PPP1R3B: variants seen among roughly 807,000 people sequenced by gnomAD.
PPP1R3B encodes protein phosphatase 1 regulatory subunit 3B.
A neutral mutation model predicts 14.6 loss-of-function variants in PPP1R3B; 8 were observed. That is an observed-to-expected ratio of 0.55 (90% CI 0.32 to 0.99). PPP1R3B has a LOEUF of 0.99. PPP1R3B is among the 50% of genes least tolerant of loss of function. PPP1R3B has a pLI of 0.04. For synonymous variants in PPP1R3B, 169 were observed against 142.0 expected, an observed-to-expected ratio of 1.19 and a Z score of -1.35; for missense variants, 452 against 360.1, an observed-to-expected ratio of 1.26 and a Z score of -2.07.
chr8:9,144,473 G>A (rs1585342117), intron 1 of PPP1R3B, among the ~76,000 whole-genome samples: 1 of 151,956 alleles, frequency 6.6e-6, no homozygotes, highest in East Asian at 1.9e-4. Flanking sequence ...GGATTTATAG[G>A]TATGAGCCAC....
intron 1 of PPP1R3B, among the ~76,000 whole-genome samples, chr8:9,143,710 TAAATA>T (rs1235848879): frequency 6.6e-6 from 1 of 151,978 alleles, no homozygotes; most frequent in Non-Finnish European, 1.5e-5. Flanking sequence ...AAAATAAAAA[TAAATA>T]AAATAAAAAC....
chr8:9,146,398 G>T (rs1303537354), intron 1 of PPP1R3B, among the ~76,000 whole-genome samples: 1 of 152,102 alleles, frequency 6.6e-6, no homozygotes, highest in African/African-American at 2.4e-5. Flanking sequence ...GAAGTGACAG[G>T]CAACATGCCA....
At chr8:9,151,217 C>A (rs773413352), upstream of PPP1R3B, 2 of 152,554 alleles carry the variant, frequency 1.3e-5, no homozygotes, top group Non-Finnish European at 2.9e-5. Flanking sequence ...AGTGTTCCAG[C>A]CCCGGTGTGC....
chr8:9,149,031 C>CA lies in PPP1R3B; in HGVS notation c.-18+1531dup, dbSNP rs879335595. Among the ~76,000 whole-genome samples, 376 of 129,648 alleles carry CA rather than the reference C, an allele frequency of 2.9e-3. 2 individuals carry two copies. Among genetic ancestry groups the CA allele is most frequent in the Middle Eastern group, 8.3e-3 (2 of 240 alleles). The allele number at this position is 129,648 out of a possible 152,430, so 85.1% of individuals were successfully genotyped here. On this transcript the variant is annotated intron_variant, in intron 1 of 1. Transcript: ENST00000310455. Reference sequence around the variant, plus strand: ...TGAAACCCCGTCTCTACTAAAAATACAAAAAAAAAAAATTAGCCGGGCGTG... The same window carrying CA: ...TGAAACCCCGTCTCTACTAAAAATACAAAAAAAAAAAAATTAGCCGGGCGTG...
At chr8:9,149,927 C>G (rs1168941002) in intron 1 of PPP1R3B, among the ~76,000 whole-genome samples, 1 of 152,250 alleles carries the variant, frequency 6.6e-6, no homozygotes, top group African/African-American at 2.4e-5. Context: ...ATGCCCGCAC[C>G]TTGCTTTGCT....
chr8:9,141,340 T>C lies in PPP1R3B; in HGVS notation c.312A>G (p.Thr104=). ...CCAGAACAAAGCTCTCGCTCTCTGC[T>C]GTCGTCAAGCTCACAATGTTGTCTA... The part of the protein sequence containing the change: ...ELLDNIVSLT[T]AESESFVLDF... The change falls in exon 2 of 2, where the codon ACA becomes ACG. Residue 104 remains threonine (T), a synonymous_variant. Coordinates refer to ENST00000310455, the MANE Select transcript of PPP1R3B (RefSeq NM_024607.4). 1 of 1,614,198 alleles carries C rather than the reference T, an allele frequency of 6.2e-7. No individual in the cohort carries two copies. Among genetic ancestry groups the C allele is most frequent in the Non-Finnish European group, 8.5e-7 (1 of 1,180,032 alleles).
Position 9,140,979 on chromosome 8 carries a change from T to A in PPP1R3B, c.673A>T (p.Asn225Tyr). Residue 225 changes from asparagine to tyrosine, a missense_variant, in exon 2 of 2, where the codon AAC (asparagine) becomes TAC (tyrosine). Asn to Tyr is a moderately radical substitution (Grantham distance 143, BLOSUM62 -2). Coordinates refer to ENST00000310455, the MANE Select transcript of PPP1R3B (RefSeq NM_024607.4). The stretch of plus-strand genomic sequence containing the variant: ...ATGATCCTATAGTTCTTGCCTCTGT[T>A]GCTGTCCCAGTACGTCTGTCCATTG... ...ECNGQTYWDS[N>Y]RGKNYRIIRA... 1.9e-6 allele frequency: 3 copies of A among 1,614,122 alleles called. No homozygotes were observed. The highest frequency in any genetic ancestry group is 2.5e-6 in the Non-Finnish European group (3 of 1,179,940).
upstream of PPP1R3B, among the ~76,000 whole-genome samples, chr8:9,150,919 C>T (rs994906170): frequency 1.9e-4 from 29 of 152,352 alleles, no homozygotes; most frequent in African/African-American, 7.0e-4. Flanking sequence ...GAAAATAAGG[C>T]CCGGAGAGAG....
intron 1 of PPP1R3B, among the ~76,000 whole-genome samples, chr8:9,146,734 G>C (rs1412621803): frequency 6.6e-6 from 1 of 151,946 alleles, no homozygotes; most frequent in African/African-American, 2.4e-5. Flanking sequence ...AAAATTTTAA[G>C]GGCAAATTTG....
Position 9,137,426 on chromosome 8 carries a change from A to T in PPP1R3B, c.*3368T>A, listed in dbSNP as rs12785. 45,694 of 152,014 alleles carry T rather than the reference A, an allele frequency of 0.3. 7,574 individuals are homozygous for T. The highest frequency in any genetic ancestry group is 0.68 in the East Asian group (3,527 of 5,164). 9.4% of individuals were successfully genotyped at this position (152,014 alleles called of 1,614,324 possible). The stretch of plus-strand genomic sequence containing the variant: ...ATTCTGGGACTCGGGGGCCACTTGT[A>T]ACCATAACCAAGAGCTGTCTGAAGG... On this transcript the variant is annotated 3_prime_UTR_variant, in exon 2 of 2. Transcript: ENST00000310455.
rs1370964916 is a variant in PPP1R3B at position 9,139,165 on chromosome 8, G to A, written c.*1629C>T. On this transcript the variant is annotated 3_prime_UTR_variant, in exon 2 of 2. Transcript: ENST00000310455. ...ACGCCTGACCTCAGGTGAGCTGCCC[G>A]CCTTGGCTTCCCAAAGTGCAGGGAT... The A allele has an allele frequency of 1.3e-5, 2 of 152,220 alleles. No homozygotes were observed. The highest frequency in any genetic ancestry group is 2.4e-5 in the African/African-American group (1 of 41,430). The allele number at this position is 152,220 out of a possible 1,614,324, so 9.4% of individuals were successfully genotyped here. A position where few individuals can be genotyped will look rare whatever the true frequency, so the allele number is the denominator to read the frequency against.
At chr8:9,148,785 T>A (rs2128974075) in intron 1 of PPP1R3B, among the ~76,000 whole-genome samples, 1 of 152,358 alleles carries the variant, frequency 6.6e-6, no homozygotes, top group South Asian at 2.1e-4. Flanking sequence ...GCAGCTGAAC[T>A]ACTGACTTTC....
intron 1 of PPP1R3B, among the ~76,000 whole-genome samples, chr8:9,143,533 C>T (rs1207057802): frequency 6.6e-6 from 1 of 152,118 alleles, no homozygotes; most frequent in Non-Finnish European, 1.5e-5. Flanking sequence ...GAAACCCCAT[C>T]TCTACTAAAA....
intron 1 of PPP1R3B, among the ~76,000 whole-genome samples, chr8:9,143,566 G>A (rs533029578): frequency 2.8e-4 from 42 of 152,252 alleles, no homozygotes; most frequent in Non-Finnish European, 4.3e-4. Flanking sequence ...GCTGGGCATG[G>A]TGGCATGCAC....
At chr8:9,144,870 C>CCT (rs1563127364) in intron 1 of PPP1R3B, among the ~76,000 whole-genome samples, 93 of 152,202 alleles carry the variant, frequency 6.1e-4, no homozygotes, top group African/African-American at 2.2e-3. Flanking sequence ...CTTAGCCTTT[C>CCT]GAGTAGCTGG....
chr8:9,140,811 G>C lies in PPP1R3B; in HGVS notation c.841C>G (p.Leu281Val). 6.2e-7 allele frequency: 1 copy of C among 1,614,044 alleles called. No homozygotes were observed. The highest frequency in any genetic ancestry group is 8.5e-7 in the Non-Finnish European group (1 of 1,180,000). Reference sequence around the variant, plus strand: ...TGCAGTCACTAGTAGTAGGGCCCTAGCTTTTCATATCCTAAGTAACTTGGC... The same window carrying C: ...TGCAGTCACTAGTAGTAGGGCCCTACCTTTTCATATCCTAAGTAACTTGGC... ...EWPSYLGYEK[L>V]GPYY Residue 281 changes from leucine to valine, a missense_variant, in exon 2 of 2, where the codon CTA becomes GTA. Coordinates refer to ENST00000310455, the MANE Select transcript of PPP1R3B (RefSeq NM_024607.4).
chr8:9,147,152 G>A lies in PPP1R3B; in HGVS notation c.-18+3411C>T, dbSNP rs993546872. ...TGCCACCACCCCTGGGATTACAGGC[G>A]TGCACCACCACCCCCAGCTAATTTT... On this transcript the variant is annotated intron_variant, in intron 1 of 1. Transcript: ENST00000310455. 6.6e-5 allele frequency among the ~76,000 whole-genome samples: 10 copies of A among 151,802 alleles called. No homozygotes were observed. The East Asian group carries it at 1.2e-3, about 18-fold the overall frequency.
chr8:9,144,190 T>C (rs927916154), intron 1 of PPP1R3B, among the ~76,000 whole-genome samples: 1 of 151,110 alleles, frequency 6.6e-6, no homozygotes, highest in African/African-American at 2.4e-5. Context: ...TTTTTCTTTT[T>C]TTTTTTTTTT....
chr8:9,149,757 A>C (rs1801360320), intron 1 of PPP1R3B, among the ~76,000 whole-genome samples: 2 of 152,170 alleles, frequency 1.3e-5, no homozygotes, highest in South Asian at 4.1e-4. Context: ...CACAGCCTTA[A>C]AGGCTCCTTG....
Sources: gnomAD v4.1 joint callset for allele counts (sites outside exome capture counted in the v4.1 genomes callset) on GRCh38, gnomAD v4.1.1 for gene constraint, MANE v1.5 for transcripts, NCBI Gene and HGNC (gene_info 2026-07-23, HGNC 2026-07-21) for gene names.